Variants in SLC24A2 observed in about 807,000 individuals in gnomAD.
SLC24A2 encodes the protein solute carrier family 24 member 2, also known as sodium/potassium/calcium exchanger 2.
Under a neutral mutation model 62.0 loss-of-function variants are expected in SLC24A2, and 36 were observed. The observed-to-expected ratio is 0.58, with a 90% CI of 0.44 to 0.77. SLC24A2 has a LOEUF of 0.77. Ranked by LOEUF, SLC24A2 falls within the 30% of genes least tolerant of loss-of-function variation. The probability of loss-of-function intolerance (pLI) is 0.00; values close to 1 mark genes in which losing one functional copy is unlikely to be tolerated. For missense variants in SLC24A2, 846 were observed against 817.9 expected (o/e 1.03, Z -0.42); for synonymous variants, 358 against 294.0 (o/e 1.22, Z -2.23).
At chr9:19,534,851 T>C (rs908780816) in intron 8 of SLC24A2, among the ~76,000 whole-genome samples, 64 of 152,358 alleles carry the variant, frequency 4.2e-4, no homozygotes, top group African/African-American at 1.5e-3. Context: ...TAGAATGATT[T>C]ATAATCCTTT....
At chr9:19,688,427 T>C (rs563053121) in intron 2 of SLC24A2, among the ~76,000 whole-genome samples, 1 of 152,266 alleles carries the variant, frequency 6.6e-6, no homozygotes, top group East Asian at 1.9e-4. Context: ...TTACTACACA[T>C]TTGTTAATCT....
chr9:20,065,273 A>C, the SLC24A2 span, among the ~76,000 whole-genome samples: 1 of 152,236 alleles, frequency 6.6e-6, no homozygotes, highest in East Asian at 1.9e-4. Flanking sequence ...TGCTTCCAGC[A>C]GTCTCCCAGA....
the SLC24A2 span, among the ~76,000 whole-genome samples, chr9:20,258,087 C>T: frequency 3.9e-5 from 6 of 152,140 alleles, no homozygotes; most frequent in African/African-American, 4.8e-5. Context: ...CTACACACAC[C>T]CCATGTGGTA....
chr9:20,036,353 C>T, the SLC24A2 span, among the ~76,000 whole-genome samples: 2 of 152,216 alleles, frequency 1.3e-5, no homozygotes, highest in East Asian at 3.9e-4. Flanking sequence ...GATTTATTCT[C>T]TTAGCAATAT....
chr9:19,653,292 A>T (rs1818851684), intron 2 of SLC24A2, among the ~76,000 whole-genome samples: 1 of 152,192 alleles, frequency 6.6e-6, no homozygotes, highest in African/African-American at 2.4e-5. Context: ...CTGTTAGGAC[A>T]CTTAATCACG....
the SLC24A2 span, among the ~76,000 whole-genome samples, chr9:19,879,679 A>T: frequency 6.6e-6 from 1 of 152,150 alleles, no homozygotes; most frequent in Non-Finnish European, 1.5e-5. Flanking sequence ...GCTGATTAGA[A>T]CTAAATGCTC....
At chr9:20,170,066 C>T in the SLC24A2 span, among the ~76,000 whole-genome samples, 35 of 150,968 alleles carry the variant, frequency 2.3e-4, 1 homozygote, top group African/African-American at 8.3e-4. Flanking sequence ...TAGAACTGAA[C>T]AGGCAGAAGA....
the SLC24A2 span, among the ~76,000 whole-genome samples, chr9:20,036,382 A>G: frequency 1.3e-5 from 2 of 152,112 alleles, no homozygotes; most frequent in East Asian, 1.9e-4. Flanking sequence ...ACAGTACTCA[A>G]TTATTAGCTA....
At chr9:20,076,824 C>T in the SLC24A2 span, among the ~76,000 whole-genome samples, 89,144 of 147,482 alleles carry the variant, frequency 0.6, 27,631 homozygotes, top group East Asian at 0.95. Context: ...CACAGGCACA[C>T]TGATAAGAAA....
intron 2 of SLC24A2, among the ~76,000 whole-genome samples, chr9:19,715,617 TTG>T (rs1036468851): frequency 6.6e-6 from 1 of 152,216 alleles, no homozygotes; most frequent in Non-Finnish European, 1.5e-5. Context: ...CCTGTCCTCA[TTG>T]TGTTTGAACC....
At chr9:19,760,460 T>C (rs1822284435) in intron 2 of SLC24A2, among the ~76,000 whole-genome samples, 2 of 152,120 alleles carry the variant, frequency 1.3e-5, no homozygotes, top group African/African-American at 4.8e-5. Flanking sequence ...GGTGGTTTGC[T>C]GCACCCATCA....
At chr9:19,713,839 GA>G (rs1308785647) in intron 2 of SLC24A2, among the ~76,000 whole-genome samples, 2 of 151,986 alleles carry the variant, frequency 1.3e-5, no homozygotes, top group Non-Finnish European at 2.9e-5. Flanking sequence ...AATACTAGAT[GA>G]ATTTATAAGA....
the SLC24A2 span, among the ~76,000 whole-genome samples, chr9:19,829,224 T>C: frequency 6.6e-6 from 1 of 152,156 alleles, no homozygotes; most frequent in African/African-American, 2.4e-5. Context: ...TGCCCTCTCT[T>C]TCAAGACTCT....
chr9:19,788,998 C>A lies in SLC24A2; in HGVS notation c.-267G>T. On this transcript the variant is annotated 5_prime_UTR_variant, in exon 1 of 11. Transcript: ENST00000341998. ...AGGCCCGGGCTCTGGCTCGCACTGG[C>A]TGCCGCTCTCGCCAGCCGGGCTGGG... The A allele has an allele frequency of 1.0e-6, 1 of 958,702 alleles. No individual in the cohort carries two copies. The highest frequency in any genetic ancestry group is 5.4e-4 in the Middle Eastern group (1 of 1,856). The allele number at this position is 958,702 out of a possible 1,614,324, so 59.4% of individuals were successfully genotyped here. A position where few individuals can be genotyped will look rare whatever the true frequency, so the allele number is the denominator to read the frequency against.
chr9:19,528,360 C>G (rs1231532841), intron 8 of SLC24A2, among the ~76,000 whole-genome samples: 3 of 152,170 alleles, frequency 2.0e-5, no homozygotes, highest in African/African-American at 7.2e-5. Flanking sequence ...ACAGTGCTGG[C>G]TCCTGAGATG....
At chr9:20,180,311 C>T in the SLC24A2 span, among the ~76,000 whole-genome samples, 19 of 152,052 alleles carry the variant, frequency 1.2e-4, no homozygotes, top group Non-Finnish European at 2.2e-4. Flanking sequence ...ATATTAATCA[C>T]CATATAGATA....
the SLC24A2 span, among the ~76,000 whole-genome samples, chr9:20,273,255 A>G: frequency 2.6e-5 from 4 of 152,224 alleles, no homozygotes; most frequent in African/African-American, 9.6e-5. Flanking sequence ...AGCTAGCCAT[A>G]AAAGAATTTT....
the SLC24A2 span, among the ~76,000 whole-genome samples, chr9:20,003,437 A>T: frequency 3.3e-5 from 5 of 152,204 alleles, no homozygotes; most frequent in African/African-American, 9.6e-5. Flanking sequence ...AAGCTATCAA[A>T]ATGTTCCTAC....
At chr9:19,744,412 C>T (rs1821768737) in intron 2 of SLC24A2, among the ~76,000 whole-genome samples, 1 of 152,100 alleles carries the variant, frequency 6.6e-6, no homozygotes, top group African/African-American at 2.4e-5. Flanking sequence ...CTTCTCTATC[C>T]TCACACTGGG....
Sources: gnomAD v4.1 joint callset for allele counts (sites outside exome capture counted in the v4.1 genomes callset) on GRCh38, gnomAD v4.1.1 for gene constraint, MANE v1.5 for transcripts, NCBI Gene and HGNC (gene_info 2026-07-23, HGNC 2026-07-21) for gene names.